The following RBFOX1 variants were observed in gnomAD, a reference collection of about 807,000 sequenced individuals.
The protein encoded by RBFOX1 is RNA binding protein fox-1 homolog 1.
A neutral mutation model predicts 57.7 loss-of-function variants in RBFOX1; 8 were observed. The ratio of observed to expected loss-of-function variants is 0.14; its 90% confidence interval spans 0.08 to 0.25. RBFOX1 has a LOEUF of 0.25. RBFOX1 is among the 10% of genes least tolerant of loss of function. The pLI is 1.00. For synonymous variants in RBFOX1, 326 were observed against 222.4 expected (o/e 1.47, Z -4.15); for missense variants, 611 against 548.5 (o/e 1.11, Z -1.14).
At chr16:5,261,752 G>A (rs550188991) in intron 1 of RBFOX1, among the ~76,000 whole-genome samples, 70 of 152,094 alleles carry the variant, frequency 4.6e-4, no homozygotes, top group Non-Finnish European at 8.8e-4. Context: ...GGGTTTCACC[G>A]TGTTAGCCAG....
intron 4 of RBFOX1, among the ~76,000 whole-genome samples, chr16:7,183,485 C>G (rs111340739): frequency 0.012 from 1,773 of 152,266 alleles, 41 homozygotes; most frequent in African/African-American, 0.04. Flanking sequence ...TTGGGTTCAT[C>G]CAAATTTTAG....
At chr16:7,404,739 C>G (rs1283848342) in intron 4 of RBFOX1, among the ~76,000 whole-genome samples, 1 of 152,122 alleles carries the variant, frequency 6.6e-6, no homozygotes, top group South Asian at 2.1e-4. Context: ...ACCGAATGCA[C>G]TTTTTAATTA....
intron 4 of RBFOX1, among the ~76,000 whole-genome samples, chr16:5,928,688 G>T (rs1226493185): frequency 1.4e-5 from 2 of 147,264 alleles, no homozygotes; most frequent in Non-Finnish European, 3.0e-5. Flanking sequence ...CACTCTCTGT[G>T]CTTCTGCCCA....
At chr16:7,167,370 G>C (rs975118303) in intron 4 of RBFOX1, among the ~76,000 whole-genome samples, 8 of 151,986 alleles carry the variant, frequency 5.3e-5, no homozygotes, top group Non-Finnish European at 8.8e-5. Context: ...AAGTCCAGTG[G>C]CTGGTGTTTC....
intron 1 of RBFOX1, among the ~76,000 whole-genome samples, chr16:6,221,549 ATCATTTGTTAATATGATCTTAAGCTAAAT>A (rs1382856210): frequency 6.6e-6 from 1 of 152,202 alleles, no homozygotes; most frequent in Non-Finnish European, 1.5e-5. Context: ...AACATTTCCT[ATCATTTGTTAATATGATCTTAAGCTAAAT>A]TAATGTATTA....
At chr16:6,379,652 G>A (rs1185818294) in intron 2 of RBFOX1, among the ~76,000 whole-genome samples, 1 of 148,440 alleles carries the variant, frequency 6.7e-6, no homozygotes, top group South Asian at 2.2e-4. Context: ...TCATGCAAGT[G>A]TCAAGAGCTG....
At chr16:7,563,168 C>G (rs2090832250) in intron 5 of RBFOX1, among the ~76,000 whole-genome samples, 1 of 152,274 alleles carries the variant, frequency 6.6e-6, no homozygotes, top group African/African-American at 2.4e-5. Flanking sequence ...TAATAGAATG[C>G]TAATCACTCA....
intron 3 of RBFOX1, among the ~76,000 whole-genome samples, chr16:6,942,724 T>G (rs1473565344): frequency 1.3e-5 from 2 of 152,156 alleles, no homozygotes; most frequent in Non-Finnish European, 2.9e-5. Flanking sequence ...CAAGTGACCA[T>G]TTAGAGACTC....
At chr16:6,315,633 G>T (rs1447802375) in intron 1 of RBFOX1, among the ~76,000 whole-genome samples, 1 of 152,056 alleles carries the variant, frequency 6.6e-6, no homozygotes, top group Non-Finnish European at 1.5e-5. Flanking sequence ...GCTGTTTGTT[G>T]ACACTAGCCC....
intron 1 of RBFOX1, among the ~76,000 whole-genome samples, chr16:6,120,657 T>C (rs779876424): frequency 5.3e-5 from 8 of 152,236 alleles, no homozygotes; most frequent in Non-Finnish European, 1.2e-4. Context: ...ATAATTATTG[T>C]TATTAATTAT....
At chr16:6,435,154 T>A (rs2094198837) in intron 2 of RBFOX1, among the ~76,000 whole-genome samples, 1 of 152,196 alleles carries the variant, frequency 6.6e-6, no homozygotes, top group Non-Finnish European at 1.5e-5. Flanking sequence ...CCATCACTTT[T>A]TCGTAGTGAA....
intron 4 of RBFOX1, among the ~76,000 whole-genome samples, chr16:7,188,351 G>C (rs1180803330): frequency 6.6e-6 from 1 of 152,208 alleles, no homozygotes; most frequent in Non-Finnish European, 1.5e-5. Context: ...TCCTGCATTA[G>C]AATGTTCTGA....
At chr16:6,773,000 A>ATGTGTG (rs1567182872) in intron 3 of RBFOX1, among the ~76,000 whole-genome samples, 6 of 84,428 alleles carry the variant, frequency 7.1e-5, no homozygotes, top group African/African-American at 3.4e-4. Context: ...TGTGGGGTGC[A>ATGTGTG]TATGTGTGTG....
At chr16:7,482,000 T>A (rs1296347464) in intron 4 of RBFOX1, among the ~76,000 whole-genome samples, 2 of 152,240 alleles carry the variant, frequency 1.3e-5, no homozygotes, top group African/African-American at 2.4e-5. Flanking sequence ...GATTTCACTT[T>A]CACACCATTG....
At position 7,084,287 on chromosome 16, in the gene RBFOX1, T is replaced by C. The variant is rs913416799; in HGVS notation, c.27+32189T>C. 3.0e-4 allele frequency among the ~76,000 whole-genome samples: 46 copies of C among 151,998 alleles called. 2 individuals carry two copies. Among genetic ancestry groups the C allele is most frequent in the Admixed American group, 2.9e-3 (44 of 15,252 alleles). On this transcript the variant is annotated intron_variant, in intron 4 of 15. Transcript: ENST00000550418. ...ATAGAGGTATGAACTAATATATATG[T>C]ATGAAATACATATATACACACACAC...
chr16:6,486,446 ATTAAAC>A (rs1266015158), intron 2 of RBFOX1, among the ~76,000 whole-genome samples: 1 of 152,160 alleles, frequency 6.6e-6, no homozygotes, highest in Admixed American at 6.5e-5. Context: ...ATTATTATTA[ATTAAAC>A]TTAGTTGTGT....
chr16:6,787,692 G>T lies in RBFOX1; in HGVS notation c.-16+133042G>T, dbSNP rs564111909. Among the ~76,000 whole-genome samples the T allele has an allele frequency of 2.0e-5, 3 of 152,258 alleles. 1 individual carries two copies. The East Asian group carries it at 5.8e-4, about 29-fold the overall frequency. ...TTGCATCCCTGAGTGATTCATGATC[G>T]TAGCATTCCATTGATTACTCTAAAC... On this transcript the variant is annotated intron_variant, in intron 3 of 15. Coordinates refer to ENST00000550418, the MANE Select transcript of RBFOX1 (RefSeq NM_018723.4).
chr16:6,251,700 C>T (rs775757271), intron 1 of RBFOX1, among the ~76,000 whole-genome samples: 2 of 152,074 alleles, frequency 1.3e-5, no homozygotes, highest in Non-Finnish European at 2.9e-5. Flanking sequence ...AAGGGAACAA[C>T]CAAATTACAA....
intron 4 of RBFOX1, among the ~76,000 whole-genome samples, chr16:7,114,235 A>G (rs1339091078): frequency 1.3e-5 from 2 of 152,134 alleles, no homozygotes; most frequent in African/African-American, 4.8e-5. Flanking sequence ...TAATTAGGAA[A>G]GTGATTGTGT....
Sources: allele counts gnomAD v4.1 joint callset (sites outside exome capture counted in the v4.1 genomes callset), GRCh38; gene constraint gnomAD v4.1.1; transcripts MANE v1.5; gene names NCBI Gene and HGNC (gene_info 2026-07-23, HGNC 2026-07-21).